SEMA3E: variants seen among roughly 807,000 people sequenced by gnomAD.
SEMA3E encodes the protein semaphorin-3E.
SEMA3E carries 49 observed loss-of-function variants against 93.6 expected under a neutral mutation model. The ratio of observed to expected loss-of-function variants is 0.52; its 90% confidence interval spans 0.42 to 0.66. The LOEUF is 0.66. SEMA3E is among the 30% of genes least tolerant of loss of function. The pLI is 0.00. For missense variants in SEMA3E, 906 were observed against 964.8 expected (o/e 0.94, Z 0.81); for synonymous variants, 363 against 330.7 (o/e 1.10, Z -1.06).
At chr7:83,584,652 C>A (rs996951188) in intron 1 of SEMA3E, among the ~76,000 whole-genome samples, 1 of 152,076 alleles carries the variant, frequency 6.6e-6, no homozygotes, top group African/African-American at 2.4e-5. Context: ...TTTTCTCCTG[C>A]CAATGTCACT....
At chr7:83,521,608 G>A (rs1198250694) in intron 1 of SEMA3E, among the ~76,000 whole-genome samples, 2 of 152,156 alleles carry the variant, frequency 1.3e-5, no homozygotes, top group Non-Finnish European at 2.9e-5. Context: ...ATTGTTTGCA[G>A]TTGTGGAGCC....
At chr7:83,485,385 A>G (rs2115957953) in intron 2 of SEMA3E, among the ~76,000 whole-genome samples, 1 of 152,354 alleles carries the variant, frequency 6.6e-6, no homozygotes, top group African/African-American at 2.4e-5. Flanking sequence ...AAATAGGGAC[A>G]CAAAGGGATT....
chr7:83,461,266 T>A (rs1789610876), intron 4 of SEMA3E, among the ~76,000 whole-genome samples: 1 of 152,162 alleles, frequency 6.6e-6, no homozygotes, highest in South Asian at 2.1e-4. Flanking sequence ...GTACCCTCAG[T>A]ACCAACCCCA....
At chr7:83,555,521 C>T (rs531886045) in intron 1 of SEMA3E, among the ~76,000 whole-genome samples, 16 of 152,266 alleles carry the variant, frequency 1.1e-4, no homozygotes, top group South Asian at 6.2e-4. Flanking sequence ...TATTCATCTA[C>T]GACTTTCTCC....
chr7:83,401,287 G>A (rs957404603), intron 10 of SEMA3E, among the ~76,000 whole-genome samples: 8 of 151,958 alleles, frequency 5.3e-5, no homozygotes, highest in African/African-American at 1.9e-4. Flanking sequence ...CAATTGCAAC[G>A]ATTACCTTGA....
chr7:83,445,695 G>T (rs1470348387), intron 4 of SEMA3E, among the ~76,000 whole-genome samples: 1 of 152,074 alleles, frequency 6.6e-6, no homozygotes, highest in African/African-American at 2.4e-5. Flanking sequence ...TCCAGCCTGG[G>T]CAACAAGAGT....
At chr7:83,377,881 T>C (rs1309236380) in intron 16 of SEMA3E, among the ~76,000 whole-genome samples, 1 of 152,006 alleles carries the variant, frequency 6.6e-6, no homozygotes, top group East Asian at 1.9e-4. Flanking sequence ...ATACTTCAAC[T>C]ATATGACCTT....
chr7:83,478,912 C>T (rs1790078663), intron 2 of SEMA3E, among the ~76,000 whole-genome samples: 1 of 152,206 alleles, frequency 6.6e-6, no homozygotes, highest in Non-Finnish European at 1.5e-5. Context: ...TACTTACTGG[C>T]CTCATGGCTC....
chr7:83,396,104 C>CAT (rs760095233), intron 12 of SEMA3E, among the ~76,000 whole-genome samples: 2 of 151,268 alleles, frequency 1.3e-5, no homozygotes, highest in African/African-American at 4.9e-5. Context: ...TATATGCACA[C>CAT]ATATATATGT....
At chr7:83,580,822 A>G (rs1792504027) in intron 1 of SEMA3E, among the ~76,000 whole-genome samples, 1 of 152,004 alleles carries the variant, frequency 6.6e-6, no homozygotes, top group African/African-American at 2.4e-5. Context: ...CCAAACAAAT[A>G]TAAGGCACTA....
chr7:83,476,642 G>T (rs1790016079), intron 2 of SEMA3E, among the ~76,000 whole-genome samples: 1 of 152,118 alleles, frequency 6.6e-6, no homozygotes. Context: ...GAAATGGAAA[G>T]TTATTTTTAA....
intron 1 of SEMA3E, among the ~76,000 whole-genome samples, chr7:83,514,523 T>C (rs1012114085): frequency 6.6e-6 from 1 of 151,378 alleles, no homozygotes; most frequent in African/African-American, 2.4e-5. Flanking sequence ...AAAGATCTTG[T>C]GTTGTTGTTG....
intron 4 of SEMA3E, among the ~76,000 whole-genome samples, chr7:83,438,238 A>T (rs1330897092): frequency 6.6e-6 from 1 of 152,106 alleles, no homozygotes; most frequent in East Asian, 1.9e-4. Context: ...ATGGCTAGTC[A>T]ATCCCTACCT....
intron 2 of SEMA3E, among the ~76,000 whole-genome samples, chr7:83,489,883 C>T (rs547596032): frequency 2.6e-4 from 40 of 152,186 alleles, no homozygotes; most frequent in African/African-American, 9.1e-4. Context: ...TCAAATGCAC[C>T]AGGCAAGAGT....
intron 1 of SEMA3E, among the ~76,000 whole-genome samples, chr7:83,577,392 A>T (rs1792428329): frequency 6.6e-6 from 1 of 152,202 alleles, no homozygotes. Context: ...GAAAAATAGG[A>T]TGTAAGTAAC....
chr7:83,441,905 G>T (rs1293482042), intron 4 of SEMA3E, among the ~76,000 whole-genome samples: 1 of 152,222 alleles, frequency 6.6e-6, no homozygotes, highest in South Asian at 2.1e-4. Flanking sequence ...CCAAAGAAAA[G>T]ACTAAGATTG....
rs1788042745 is a variant in SEMA3E at position 83,392,709 on chromosome 7, T to C, written c.1513A>G (p.Ile505Val). The C allele has an allele frequency of 1.2e-6, 2 of 1,613,780 alleles. No individual in the cohort carries two copies. Among genetic ancestry groups the C allele is most frequent in the African/African-American group, 1.3e-5 (1 of 74,978 alleles). ...TGAGCCACAGCAGAAGCAGATCCAA[T>C]ATACAGCTGTTGCTACAGAAATCAG... ...EISSKRQQLY[I>V]GSASAVAQVR... The change falls in exon 14 of 17, where the codon ATT (isoleucine) becomes GTT (valine). Residue 505 changes from isoleucine to valine, a missense_variant. Physicochemically the swap from Ile to Val is conservative, Grantham distance 29 (BLOSUM62 3). Coordinates refer to ENST00000643230, the MANE Select transcript of SEMA3E (RefSeq NM_012431.3).
chr7:83,430,447 G>A (rs770748985), intron 4 of SEMA3E, among the ~76,000 whole-genome samples: 7 of 151,314 alleles, frequency 4.6e-5, no homozygotes, highest in South Asian at 4.2e-4. Context: ...CCTGGGTGAC[G>A]TTAAAAAAAA....
intron 4 of SEMA3E, among the ~76,000 whole-genome samples, chr7:83,423,287 A>C (rs1444120186): frequency 1.3e-5 from 2 of 152,110 alleles, no homozygotes; most frequent in Non-Finnish European, 2.9e-5. Flanking sequence ...TGAATATTGA[A>C]TGTGCATGCA....
Sources: allele counts gnomAD v4.1 joint callset (sites outside exome capture counted in the v4.1 genomes callset), GRCh38; gene constraint gnomAD v4.1.1; transcripts MANE v1.5; gene names NCBI Gene and HGNC (gene_info 2026-07-23, HGNC 2026-07-21).